The following DOT1L variants were observed in gnomAD, a reference collection of about 807,000 sequenced individuals.
DOT1L encodes DOT1 like histone lysine methyltransferase, also known as histone-lysine N-methyltransferase, H3 lysine-79 specific.
A neutral mutation model predicts 153.3 loss-of-function variants in DOT1L; 33 were observed. That is an observed-to-expected ratio of 0.22 (90% CI 0.16 to 0.29). The LOEUF is 0.29. Among genes scored for constraint, DOT1L ranks in the 10% least tolerant of loss-of-function variants. DOT1L has a pLI of 1.00. For missense variants in DOT1L, 1,847 were observed against 2,119.9 expected (o/e 0.87, Z 2.53); for synonymous variants, 1,135 against 965.1 (o/e 1.18, Z -3.26).
intron 4 of DOT1L, among the ~76,000 whole-genome samples, 179 bp downstream of exon 4, chr19:2,189,974 G>T (rs888663787): frequency 1.2e-4 from 18 of 152,196 alleles, no homozygotes; most frequent in African/African-American, 3.9e-4. Flanking sequence ...CCGAGGCTGG[G>T]CTGTGTGCTG....
At position 2,232,489 on chromosome 19, in the gene DOT1L, C is replaced by T. The variant is rs984420228; in HGVS notation, c.*2697C>T. On this transcript the variant is annotated 3_prime_UTR_variant, in exon 28 of 28. Transcript: ENST00000398665. ...TTGCGCGCATTGTCACGGTCCGCCC[C>T]TGGGCTGCAGGCGCCCCTTCCTCTG... is the stretch of plus-strand genomic sequence containing the variant. 4.5e-6 allele frequency: 1 copy of T among 222,464 alleles called. No individual in the cohort carries two copies. Among genetic ancestry groups the T allele is most frequent in the Non-Finnish European group, 9.0e-6 (1 of 111,338 alleles). The allele number at this position is 222,464 out of a possible 1,614,324, so 13.8% of individuals were successfully genotyped here.
At chr19:2,170,783 C>T (rs2021576532) in intron 1 of DOT1L, among the ~76,000 whole-genome samples, 1 of 152,024 alleles carries the variant, frequency 6.6e-6, no homozygotes, top group South Asian at 2.1e-4. Flanking sequence ...TGATAAAGGA[C>T]GATCTGTGGG....
chr19:2,193,831 G>T lies in DOT1L; in HGVS notation c.588+48G>T. ...GTGTGTTGGAGGCAGGGGACCATCA[G>T]AGAAAGTGACGCCCTGGGTGCCTGC... is the stretch of plus-strand genomic sequence containing the variant. On this transcript the variant is annotated intron_variant, in intron 6 of 27. Transcript: ENST00000398665. The surrounding 1 kb of genome is among the most constrained non-coding windows in gnomAD (Gnocchi z 5.9). The T allele has an allele frequency of 6.3e-7, 1 of 1,589,788 alleles. No individual in the cohort carries two copies. Among genetic ancestry groups the T allele is most frequent in the South Asian group, 1.1e-5 (1 of 89,920 alleles).
At chr19:2,164,471 G>A (rs1326320243) in intron 1 of DOT1L, 3 of 338,594 alleles carry the variant, frequency 8.9e-6, no homozygotes, top group Admixed American at 9.8e-5. Context: ...CGCGCGCCTG[G>A]GGTGGGAGCG....
In DOT1L at chr19:2,191,678, C is replaced by A. The variant is rs572748675; in HGVS notation, c.493+438C>A. On this transcript the variant is annotated intron_variant, in intron 5 of 27. Transcript: ENST00000398665. The surrounding 1 kb of genome is among the most constrained non-coding windows in gnomAD (Gnocchi z 6.8). ...CCACAGCGGCTGGAAAGGTCCCCCG[C>A]GGAGGAAGACCCCAGGTCCCTGGGC... Among the ~76,000 whole-genome samples, 3 of 152,168 alleles carry A rather than the reference C, an allele frequency of 2.0e-5. No individual in the cohort carries two copies. Among genetic ancestry groups the A allele is most frequent in the African/African-American group, 4.8e-5 (2 of 41,448 alleles).
At chr19:2,185,247 C>CT (rs937642580) in intron 2 of DOT1L, among the ~76,000 whole-genome samples, 1 of 152,168 alleles carries the variant, frequency 6.6e-6, no homozygotes, top group Non-Finnish European at 1.5e-5. Context: ...TTTTCGAGCT[C>CT]TGATGTGGCC....
chr19:2,164,235 C>T lies in DOT1L; in HGVS notation c.51C>T (p.Pro17=). The change falls in exon 1 of 28, where the codon CCC becomes CCT. Residue 17 remains proline (P), a synonymous_variant. Transcript: ENST00000398665. ...LRLKSPVGAE[P]AVYPWPLPVY... is the part of the protein sequence containing the mutation. ...TGAAGTCGCCCGTGGGGGCTGAGCC[C>T]GCCGTCTACCCGTGGCCGCTGCCGG... The T allele has an allele frequency of 4.7e-6, 6 of 1,290,180 alleles. No homozygotes were observed. Among genetic ancestry groups the T allele is most frequent in the Non-Finnish European group, 5.9e-6 (6 of 1,016,584 alleles). The allele number at this position is 1,290,180 out of a possible 1,614,324, so 79.9% of individuals were successfully genotyped here.
intron 1 of DOT1L, among the ~76,000 whole-genome samples, chr19:2,170,105 G>T (rs2020069519): frequency 6.6e-6 from 1 of 152,198 alleles, no homozygotes; most frequent in East Asian, 1.9e-4. Flanking sequence ...TTACACTCCA[G>T]ACTGGTCGAC....
At position 2,217,115 on chromosome 19, in the gene DOT1L, G is replaced by A; in HGVS notation, c.2544+25G>A. On this transcript the variant is annotated intron_variant, in intron 21 of 27. Transcript: ENST00000398665. The surrounding 1 kb of genome is among the most constrained non-coding windows in gnomAD (Gnocchi z 7.3). ...GGTGCGGGCCGCGACCCCTGCCCCG[G>A]GCTCAGGGAGGTGCTCAGCAGAGGC... 1 of 1,561,676 alleles carries A rather than the reference G, an allele frequency of 6.4e-7. No individual in the cohort carries two copies. Among genetic ancestry groups the A allele is most frequent in the Non-Finnish European group, 8.7e-7 (1 of 1,152,340 alleles).
intron 27 of DOT1L, chr19:2,227,570 C>A: frequency 1.3e-6 from 1 of 755,118 alleles, no homozygotes; most frequent in Non-Finnish European, 1.8e-6. Flanking sequence ...GGCCGGAGGG[C>A]GGAGGGCGGG....
In DOT1L at chr19:2,204,829, C is replaced by T. The variant is rs1293064659; in HGVS notation, c.788-1900C>T. On this transcript the variant is annotated intron_variant, in intron 9 of 27. Transcript: ENST00000398665. This position sits in a 1 kb window ranked among gnomAD's most constrained non-coding sequence, Gnocchi z 5.7. ...GGGATACTGGCCTAACCTGTGTGCC[C>T]AGCCTGGCCCTGGAACCGCCCTTCC... Among the ~76,000 whole-genome samples, 2 of 152,188 alleles carry T rather than the reference C, an allele frequency of 1.3e-5. No individual in the cohort carries two copies. Among genetic ancestry groups the T allele is most frequent in the African/African-American group, 4.8e-5 (2 of 41,454 alleles).
At chr19:2,180,984 T>G (rs2022203215) in intron 2 of DOT1L, among the ~76,000 whole-genome samples, 1 of 152,192 alleles carries the variant, frequency 6.6e-6, no homozygotes, top group Non-Finnish European at 1.5e-5. Context: ...CAGTGGGTCC[T>G]CCAGGGGCGT....
At chr19:2,215,085 G>A (rs1051155310) in intron 19 of DOT1L, among the ~76,000 whole-genome samples, 3 of 152,030 alleles carry the variant, frequency 2.0e-5, no homozygotes, top group Admixed American at 2.0e-4. Context: ...GTGTGGTGGT[G>A]TGTGCCTATA....
At position 2,207,422 on chromosome 19, in the gene DOT1L, T is replaced by TCTGTGGGCCA; in HGVS notation, c.857-145_857-136dup. ...AATGGTGCACCTCCCTGGGCCGGCCTCTGTGGGCCACTGTGGCCTGACGCA... is the reference window on the plus strand; with the variant it reads ...AATGGTGCACCTCCCTGGGCCGGCCTCTGTGGGCCACTGTGGGCCACTGTGGCCTGACGCA... On this transcript the variant is annotated intron_variant, in intron 10 of 27. Transcript: ENST00000398665. The surrounding 1 kb of genome is among the most constrained non-coding windows in gnomAD (Gnocchi z 4.5). 1 of 645,540 alleles carries TCTGTGGGCCA rather than the reference T, an allele frequency of 1.5e-6. No homozygotes were observed. The highest frequency in any genetic ancestry group is 2.6e-6 in the Non-Finnish European group (1 of 385,182). 40.0% of individuals were successfully genotyped at this position (645,540 alleles called of 1,614,324 possible). A position where few individuals can be genotyped will look rare whatever the true frequency, so the allele number is the denominator to read the frequency against.
intron 7 of DOT1L, among the ~76,000 whole-genome samples, chr19:2,196,372 G>A (rs554365755): frequency 2.4e-4 from 37 of 152,298 alleles, no homozygotes; most frequent in African/African-American, 8.2e-4. Context: ...TTGTTCTGTC[G>A]CCCAGGCTGG....
chr19:2,184,121 T>G (rs2022380161), intron 2 of DOT1L, among the ~76,000 whole-genome samples: 1 of 152,162 alleles, frequency 6.6e-6, no homozygotes, highest in South Asian at 2.1e-4. Flanking sequence ...CTTGCTGCTT[T>G]GAGTGTTTTT....
rs536066149 is a variant in DOT1L at position 2,230,227 on chromosome 19, C to T, written c.*435C>T. On this transcript the variant is annotated 3_prime_UTR_variant, in exon 28 of 28. Transcript: ENST00000398665. ...GGTGCTGACTAGACGCTGACAACGCCGAACCCCGTTCTCGGAAACGCCGCC... is the reference window on the plus strand; with the variant it reads ...GGTGCTGACTAGACGCTGACAACGCTGAACCCCGTTCTCGGAAACGCCGCC... 7 of 413,810 alleles carry T rather than the reference C, an allele frequency of 1.7e-5. No homozygotes were observed. The highest frequency in any genetic ancestry group is 6.1e-5 in the African/African-American group (3 of 48,796). 25.6% of individuals were successfully genotyped at this position (413,810 alleles called of 1,614,324 possible). A position where few individuals can be genotyped will look rare whatever the true frequency, so the allele number is the denominator to read the frequency against.
chr19:2,200,018 G>T, intron 8 of DOT1L, 79 bp downstream of exon 8: 1 of 1,559,644 alleles, frequency 6.4e-7, no homozygotes, highest in Non-Finnish European at 8.8e-7. Context: ...CGGGGACCGG[G>T]AGCGGCCCCT....
chr19:2,232,144 G>A lies in DOT1L; in HGVS notation c.*2352G>A, dbSNP rs1356700309. 9.0e-6 allele frequency: 2 copies of A among 223,226 alleles called. No homozygotes were observed. The highest frequency in any genetic ancestry group is 1.8e-5 in the Non-Finnish European group (2 of 111,840). The allele number at this position is 223,226 out of a possible 1,614,324, so 13.8% of individuals were successfully genotyped here. On this transcript the variant is annotated 3_prime_UTR_variant, in exon 28 of 28. Coordinates refer to ENST00000398665, the MANE Select transcript of DOT1L (RefSeq NM_032482.3). ...TTCCGTGGGCAGCTGGCGGGGACCT[G>A]TGCTGCTGCTGCTGACTGTGGGTGG...
Sources: allele counts gnomAD v4.1 joint callset (sites outside exome capture counted in the v4.1 genomes callset), GRCh38; gene constraint gnomAD v4.1.1; non-coding constraint Gnocchi (gnomAD v3.1); transcripts MANE v1.5; gene names NCBI Gene and HGNC (gene_info 2026-07-23, HGNC 2026-07-21).